Variants in RUFY3 observed in about 807,000 individuals in gnomAD.
RUFY3 encodes the protein RUN and FYVE domain containing 3.
Under a neutral mutation model 84.0 loss-of-function variants are expected in RUFY3, and 34 were observed. The ratio of observed to expected loss-of-function variants is 0.40; its 90% CI spans 0.31 to 0.54. The LOEUF (loss-of-function observed/expected upper bound fraction) is 0.54. Ranked by LOEUF, RUFY3 falls within the 20% of genes least tolerant of loss-of-function variation. The pLI is 0.39. For missense variants in RUFY3, 507 were observed against 736.8 expected (o/e 0.69, Z 3.61); for synonymous variants, 242 against 252.9 (o/e 0.96, Z 0.41).
chr4:70,752,658 T>C (rs1723319127), intron 1 of RUFY3, among the ~76,000 whole-genome samples: 1 of 152,250 alleles, frequency 6.6e-6, no homozygotes, highest in Non-Finnish European at 1.5e-5. Flanking sequence ...TGTCTGCTTC[T>C]AATGAAATGA....
chr4:70,727,561 G>A (rs1482772532), intron 1 of RUFY3, among the ~76,000 whole-genome samples: 1 of 151,136 alleles, frequency 6.6e-6, no homozygotes, highest in Non-Finnish European at 1.5e-5. Flanking sequence ...TCACCATGTT[G>A]GCCAGGCTGG....
Position 70,794,840 on chromosome 4 carries a change from A to T in RUFY3, c.1503A>T (p.Leu501Phe). 6.2e-7 allele frequency: 1 copy of T among 1,613,558 alleles called. No individual in the cohort carries two copies. Among genetic ancestry groups the T allele is most frequent in the South Asian group, 1.1e-5 (1 of 90,938 alleles). Residue 501 changes from leucine (L) to phenylalanine (F), a missense_variant, in exon 14 of 18, where the codon TTA becomes TTT. Coordinates refer to ENST00000381006, the MANE Select transcript of RUFY3 (RefSeq NM_001037442.4). ...TAAAACAGGAAAAAGAAAGAAGATT[A>T]CAAAACGACAGGAGCATCCCAGGAA... is the stretch of plus-strand genomic sequence containing the variant. ...LELKQEKERR[L>F]QNDRSIPGRG...
In RUFY3 at chr4:70,722,552, T is replaced by C. The variant is rs771090307; in HGVS notation, c.-22T>C. 1 of 1,607,666 alleles carries C rather than the reference T, an allele frequency of 6.2e-7. No individual in the cohort carries two copies. Among genetic ancestry groups the C allele is most frequent in the Non-Finnish European group, 8.5e-7 (1 of 1,176,750 alleles). Reference sequence around the variant, plus strand: ...GAGTGTGTGTGTGTCTGTGTGTGTGTTGTGGTCCCAGCTGAGTCATCATGT... The same window carrying C: ...GAGTGTGTGTGTGTCTGTGTGTGTGCTGTGGTCCCAGCTGAGTCATCATGT... On this transcript the variant is annotated 5_prime_UTR_variant, in exon 1 of 18. Transcript: ENST00000381006.
chr4:70,707,361 C>G (rs1740453073), intron 1 of RUFY3, among the ~76,000 whole-genome samples: 1 of 152,194 alleles, frequency 6.6e-6, no homozygotes, highest in Non-Finnish European at 1.5e-5. Context: ...CGATTTCAAA[C>G]GATTCTCCTG....
rs376846064 is a variant in RUFY3, at chr4:70,793,808, G to A, written c.1361G>A (p.Arg454His). 2.9e-5 allele frequency: 47 copies of A among 1,613,904 alleles called. No individual in the cohort carries two copies. The highest frequency in any genetic ancestry group is 3.5e-5 in the Non-Finnish European group (41 of 1,180,006). The change falls in exon 13 of 18, where the codon CGC becomes CAC. Residue 454 changes from arginine to histidine, a missense_variant. Around this residue, in one of 4 missense-constraint regions of RUFY3, gnomAD observed 334 missense variants for 364.1 expected, o/e 0.92. Transcript: ENST00000381006. ...EQRLRQAERS[R>H]QSAELDNRLF... ...AGATTGCGCCAGGCTGAGCGAAGCC[G>A]CCAATCTGCTGAGTTGGACAACCGG... is the stretch of plus-strand genomic sequence containing the variant.
intron 16 of RUFY3, among the ~76,000 whole-genome samples, chr4:70,803,551 T>G (rs1157954680): frequency 2.6e-5 from 4 of 152,066 alleles, no homozygotes; most frequent in South Asian, 4.1e-4. Context: ...CTTCCCGAGC[T>G]TAGGCAGTCC....
intron 10 of RUFY3, among the ~76,000 whole-genome samples, chr4:70,786,215 A>G (rs1344147675): frequency 1.3e-5 from 2 of 152,222 alleles, no homozygotes; most frequent in Non-Finnish European, 2.9e-5. Flanking sequence ...TCATAAAAGT[A>G]GAGAGTAAGG....
intron 1 of RUFY3, among the ~76,000 whole-genome samples, chr4:70,715,267 C>G (rs1311048422): frequency 2.6e-5 from 4 of 152,138 alleles, no homozygotes; most frequent in Admixed American, 2.6e-4. Flanking sequence ...CCAATGTCAT[C>G]ATGATGATGA....
In RUFY3 at chr4:70,772,683, G is replaced by A. The variant is rs1165043736; in HGVS notation, c.697-828G>A. Among the ~76,000 whole-genome samples, 5 of 149,976 alleles carry A rather than the reference G, an allele frequency of 3.3e-5. No homozygotes were observed. The East Asian group carries it at 9.7e-4, about 29-fold the overall frequency. ...TTTTTATTTTTATTTTTTTTGAGAC[G>A]GAGTTTTGCTCTTGTTGCCCAGGCT... On this transcript the variant is annotated intron_variant, in intron 5 of 17. Coordinates refer to ENST00000381006, the MANE Select transcript of RUFY3 (RefSeq NM_001037442.4).
chr4:70,747,230 C>T (rs1013919161), intron 1 of RUFY3, among the ~76,000 whole-genome samples: 6 of 152,150 alleles, frequency 3.9e-5, no homozygotes, highest in Admixed American at 3.9e-4. Flanking sequence ...TGCTGTTAAC[C>T]ACTACACCAA....
chr4:70,757,868 G>T (rs751390741), intron 1 of RUFY3, among the ~76,000 whole-genome samples: 1 of 152,030 alleles, frequency 6.6e-6, no homozygotes, highest in Non-Finnish European at 1.5e-5. Context: ...AAAAATAATT[G>T]CATGAAAGTT....
intron 1 of RUFY3, among the ~76,000 whole-genome samples, chr4:70,746,716 A>T (rs1252040328): frequency 6.6e-6 from 1 of 152,224 alleles, no homozygotes; most frequent in Non-Finnish European, 1.5e-5. Flanking sequence ...CTCAGTTGTA[A>T]AAAGGAAGAG....
chr4:70,716,000 G>T (rs1000553460), intron 1 of RUFY3, among the ~76,000 whole-genome samples: 1 of 151,972 alleles, frequency 6.6e-6, no homozygotes, highest in Non-Finnish European at 1.5e-5. Context: ...TGTAGTCCCA[G>T]CTACTTGGGA....
At position 70,783,139 on chromosome 4, in the gene RUFY3, C is replaced by G. The variant is rs368406328; in HGVS notation, c.943C>G (p.Arg315Gly). The G allele has an allele frequency of 7.4e-6, 12 of 1,611,478 alleles. No homozygotes were observed. Among genetic ancestry groups the G allele is most frequent in the African/African-American group, 1.3e-5 (1 of 74,824 alleles). ...CATTACCTTACAAGAAGAAATGGAA[C>G]GAGTTAAAGAGGAAAGTTCCTACAT... ...RIITLQEEME[R>G]VKEESSYILE... The change falls in exon 9 of 18, where the codon CGA becomes GGA. Residue 315 changes from arginine to glycine, a missense_variant. Physicochemically the swap from Arg to Gly is moderately radical, Grantham distance 125. Coordinates refer to ENST00000381006, the MANE Select transcript of RUFY3 (RefSeq NM_001037442.4).
chr4:70,753,342 G>A (rs1026225029), intron 1 of RUFY3, among the ~76,000 whole-genome samples: 5 of 152,104 alleles, frequency 3.3e-5, no homozygotes, highest in Non-Finnish European at 7.4e-5. Flanking sequence ...GCCAACTTTG[G>A]ATTTTATTGA....
At chr4:70,806,137 C>T (rs1255595830) in intron 17 of RUFY3, among the ~76,000 whole-genome samples, 3 of 152,164 alleles carry the variant, frequency 2.0e-5, no homozygotes, top group African/African-American at 7.2e-5. Flanking sequence ...AAATCTTAGC[C>T]TGTTCACTCA....
chr4:70,768,432 C>A (rs1480064110), intron 4 of RUFY3, 106 bp from the exon 5 acceptor site: 3 of 965,362 alleles, frequency 3.1e-6, no homozygotes, highest in Admixed American at 5.3e-5. Flanking sequence ...TGGCTATAAT[C>A]AACCATGATG....
chr4:70,724,579 T>G (rs538852968), intron 1 of RUFY3, among the ~76,000 whole-genome samples: 1 of 152,316 alleles, frequency 6.6e-6, no homozygotes, highest in East Asian at 1.9e-4. Flanking sequence ...AGTAATAAAT[T>G]GTATGTCTGC....
In RUFY3 at chr4:70,722,038, A is replaced by G. The variant is rs1742361999; in HGVS notation, c.-536A>G. 1.6e-6 allele frequency: 2 copies of G among 1,232,144 alleles called. No homozygotes were observed. Among genetic ancestry groups the G allele is most frequent in the Non-Finnish European group, 1.0e-6 (1 of 987,976 alleles). 76.3% of individuals were successfully genotyped at this position (1,232,144 alleles called of 1,614,324 possible). On this transcript the variant is annotated 5_prime_UTR_variant, in exon 1 of 18. Transcript: ENST00000381006. Reference sequence around the variant, plus strand: ...CAATCCTATGAGAACTCAGCATCCCAGCTCATCTGAGCAGATCCTGGAAGT... The same window carrying G: ...CAATCCTATGAGAACTCAGCATCCCGGCTCATCTGAGCAGATCCTGGAAGT...
Sources: gnomAD v4.1 joint callset for allele counts (sites outside exome capture counted in the v4.1 genomes callset) on GRCh38, gnomAD v4.1.1 for gene constraint, gnomAD v4.1.1 regional missense constraint, MANE v1.5 for transcripts, NCBI Gene and HGNC (gene_info 2026-07-23, HGNC 2026-07-21) for gene names.